Variants in ELL observed in about 807,000 individuals in gnomAD.
The protein encoded by ELL is RNA polymerase II elongation factor ELL.
In ELL, 18 loss-of-function variants were observed where a neutral mutation model predicts 64.0. The observed-to-expected ratio is 0.28, with a 90% CI of 0.19 to 0.42. ELL has a LOEUF of 0.42. Among genes scored for constraint, ELL ranks in the 10% least tolerant of loss-of-function variants. The pLI is 1.00. For missense variants in ELL, 797 were observed against 870.4 expected (o/e 0.92, Z 1.06); for synonymous variants, 399 against 376.2 (o/e 1.06, Z -0.70).
chr19:18,479,482 G>A (rs1218714978), intron 1 of ELL, among the ~76,000 whole-genome samples: 2 of 152,182 alleles, frequency 1.3e-5, no homozygotes, highest in Non-Finnish European at 2.9e-5. Flanking sequence ...GCTGAGGCAG[G>A]TGGACTGCTT....
intron 1 of ELL, among the ~76,000 whole-genome samples, chr19:18,509,663 C>T (rs1975975765): frequency 1.4e-5 from 2 of 145,840 alleles, no homozygotes; most frequent in Admixed American, 6.9e-5. Context: ...ACACACTCCC[C>T]TCCCCAACTG....
At chr19:18,478,860 A>G (rs1975231614) in intron 1 of ELL, among the ~76,000 whole-genome samples, 1 of 152,190 alleles carries the variant, frequency 6.6e-6, no homozygotes, top group South Asian at 2.1e-4. Context: ...TCCTGTAGGC[A>G]GCTCCCCCTC....
chr19:18,509,997 G>C (rs1975982455), intron 1 of ELL, among the ~76,000 whole-genome samples: 1 of 152,220 alleles, frequency 6.6e-6, no homozygotes, highest in African/African-American at 2.4e-5. Context: ...GCAGGGCTCA[G>C]AAGTCCTGCC....
At position 18,444,161 on chromosome 19, in the gene ELL, C is replaced by T. The variant is rs1343442580; in HGVS notation, c.*591G>A. 8 of 230,696 alleles carry T rather than the reference C, an allele frequency of 3.5e-5. No homozygotes were observed. Among genetic ancestry groups the T allele is most frequent in the African/African-American group, 1.3e-4 (6 of 45,124 alleles). 14.3% of individuals were successfully genotyped at this position (230,696 alleles called of 1,614,324 possible). A position where few individuals can be genotyped will look rare whatever the true frequency, so the allele number is the denominator to read the frequency against. ...TGCTTGCTGGAGCAGAGACCCTGCC[C>T]AAGGAGGAGAGGCTGGGGAAAGGGG... On this transcript the variant is annotated 3_prime_UTR_variant, in exon 12 of 12. Transcript: ENST00000262809.
intron 1 of ELL, among the ~76,000 whole-genome samples, chr19:18,518,721 G>A (rs1976185175): frequency 6.6e-6 from 1 of 151,406 alleles, no homozygotes; most frequent in South Asian, 2.1e-4. Context: ...AACCCGGGAG[G>A]CGGAGGTTGC....
At position 18,469,606 on chromosome 19, in the gene ELL, C is replaced by G. The variant is rs539783787; in HGVS notation, c.183+3229G>C. On this transcript the variant is annotated intron_variant, in intron 2 of 11. Coordinates refer to ENST00000262809, the MANE Select transcript of ELL (RefSeq NM_006532.4). ...GTCTGGGTATGTCTGAGGTCAGTCCCGGCTCCAGGTTATAGGGTGTGGGGA... is the reference window on the plus strand; with the variant it reads ...GTCTGGGTATGTCTGAGGTCAGTCCGGGCTCCAGGTTATAGGGTGTGGGGA... Among the ~76,000 whole-genome samples, 5 of 152,310 alleles carry G rather than the reference C, an allele frequency of 3.3e-5. No individual in the cohort carries two copies. In the East Asian group the frequency reaches 9.7e-4, roughly 29 times the overall value.
chr19:18,521,889 C>G, intron 1 of ELL, 32 bp downstream of exon 1: 1 of 1,554,226 alleles, frequency 6.4e-7, no homozygotes, highest in South Asian at 1.2e-5. Context: ...CCGGACGTTC[C>G]CCACTGGCGC....
At chr19:18,461,891 G>A (rs995797769) in intron 4 of ELL, 39 bp from the exon 5 acceptor site, 8 of 1,586,522 alleles carry the variant, frequency 5.0e-6, no homozygotes, top group African/African-American at 1.3e-5. Flanking sequence ...CAGAGAGGGC[G>A]CTGCCGTGTC....
At chr19:18,485,261 C>A (rs1445235311) in intron 1 of ELL, among the ~76,000 whole-genome samples, 1 of 152,164 alleles carries the variant, frequency 6.6e-6, no homozygotes, top group African/African-American at 2.4e-5. Context: ...CTCCAGGCCT[C>A]CATCTCAACT....
chr19:18,465,303 T>C, intron 4 of ELL, 109 bp downstream of exon 4: 2 of 1,421,720 alleles, frequency 1.4e-6, no homozygotes, highest in Non-Finnish European at 1.9e-6. Flanking sequence ...GGTTGACCCA[T>C]CATTTCTGTG....
rs140734339 is a variant in ELL, at chr19:18,507,026, C to A, written c.135+14895G>T. ...CCCTCGACCAGTGGGAGCCTGTGCA[C>A]AGGTAAGAGAGCCAGGGCAGCCTGG... On this transcript the variant is annotated intron_variant, in intron 1 of 11. Transcript: ENST00000262809. Among the ~76,000 whole-genome samples, 1,164 of 152,282 alleles carry A rather than the reference C, an allele frequency of 7.6e-3. 15 individuals carry two copies. Among genetic ancestry groups the A allele is most frequent in the Middle Eastern group, 0.024 (7 of 294 alleles).
intron 4 of ELL, among the ~76,000 whole-genome samples, chr19:18,463,645 T>C (rs1357477552): frequency 6.6e-6 from 1 of 151,974 alleles, no homozygotes; most frequent in East Asian, 1.9e-4. Context: ...ATTCACATCT[T>C]AACAGACAGC....
intron 1 of ELL, among the ~76,000 whole-genome samples, chr19:18,482,315 T>C (rs977401162): frequency 1.1e-5 from 1 of 88,140 alleles, no homozygotes; most frequent in Non-Finnish European, 2.2e-5. Flanking sequence ...TTCCTTTTTT[T>C]TTTTTTTTTT....
In ELL at chr19:18,449,464, C is replaced by T. The variant is rs748150229; in HGVS notation, c.1465+1013G>A. On this transcript the variant is annotated intron_variant, in intron 8 of 11. Transcript: ENST00000262809. This position sits in a 1 kb window ranked among gnomAD's most constrained non-coding sequence, Gnocchi z 4.4. ...GCACGAGGCAGGGCTGACCCAACCCCGAAAGTCTTCCTTCCTATCCAGTAA... is the reference window on the plus strand; with the variant it reads ...GCACGAGGCAGGGCTGACCCAACCCTGAAAGTCTTCCTTCCTATCCAGTAA... Among the ~76,000 whole-genome samples the T allele has an allele frequency of 6.6e-5, 10 of 152,266 alleles. No homozygotes were observed. The highest frequency in any genetic ancestry group is 3.4e-3 in the Middle Eastern group (1 of 294).
intron 8 of ELL, chr19:18,448,654 C>T (rs1974465490): frequency 6.6e-6 from 1 of 152,264 alleles, no homozygotes; most frequent in Admixed American, 6.5e-5. Context: ...TCAGGCTGGT[C>T]AACATTACCT....
At chr19:18,462,256 T>C (rs1450802831) in intron 4 of ELL, among the ~76,000 whole-genome samples, 4 of 147,772 alleles carry the variant, frequency 2.7e-5, no homozygotes, top group Middle Eastern at 3.2e-3. Flanking sequence ...GGGCAGTATG[T>C]GTGTGTGAGA....
Position 18,465,878 on chromosome 19 carries a change from C to A in ELL, c.224G>T (p.Arg75Leu), listed in dbSNP as rs754797656. The A allele has an allele frequency of 7.5e-7, 1 of 1,332,018 alleles. No individual in the cohort carries two copies. Among genetic ancestry groups the A allele is most frequent in the East Asian group, 2.8e-5 (1 of 35,854 alleles). 82.5% of individuals were successfully genotyped at this position (1,332,018 alleles called of 1,614,324 possible). A position where few individuals can be genotyped will look rare whatever the true frequency, so the allele number is the denominator to read the frequency against. ...IPQPDCPAEA[R>L]TFSFYLSNIG... ...GTTGGAGAGGTAGAAGGAGAACGTC[C>A]GCGCCTCTGCGGGGCAGTCAGGCTG... The change falls in exon 3 of 12, where the codon CGG becomes CTG. Residue 75 changes from arginine to leucine, a missense_variant. Transcript: ENST00000262809.
Position 18,457,985 on chromosome 19 carries a change from G to A in ELL, c.869+220C>T, listed in dbSNP as rs112730682. Among the ~76,000 whole-genome samples the A allele has an allele frequency of 8.2e-3, 1,241 of 152,248 alleles. 16 individuals carry two copies. Among genetic ancestry groups the A allele is most frequent in the African/African-American group, 0.028 (1,157 of 41,538 alleles). ...GTCGGGGCCAGTGACTCACACCTCC[G>A]TCCCACTCTGTGAGCGTGGCCTTCC... On this transcript the variant is annotated intron_variant, in intron 6 of 11. Coordinates refer to ENST00000262809, the MANE Select transcript of ELL (RefSeq NM_006532.4).
chr19:18,519,994 T>C (rs968745960), intron 1 of ELL, among the ~76,000 whole-genome samples: 25 of 152,064 alleles, frequency 1.6e-4, no homozygotes, highest in African/African-American at 6.0e-4. Context: ...CACACTGCCC[T>C]ACACAGCTGG....
Sources: allele counts gnomAD v4.1 joint callset (sites outside exome capture counted in the v4.1 genomes callset), GRCh38; gene constraint gnomAD v4.1.1; non-coding constraint Gnocchi (gnomAD v3.1); transcripts MANE v1.5; gene names NCBI Gene and HGNC (gene_info 2026-07-23, HGNC 2026-07-21).